Variants in NEGR1 observed in about 807,000 individuals in gnomAD.
The protein encoded by NEGR1 is neuronal growth regulator 1.
In NEGR1, 10 loss-of-function variants were observed where a neutral mutation model predicts 40.9. That is an observed-to-expected ratio of 0.24 (90% CI 0.15 to 0.42). NEGR1 has a LOEUF of 0.42. Among genes scored for constraint, NEGR1 ranks in the 10% least tolerant of loss-of-function variants. NEGR1 has a pLI of 1.00. For missense variants in NEGR1, 352 were observed against 438.9 expected (o/e 0.80, Z 1.77); for synonymous variants, 185 against 166.8 (o/e 1.11, Z -0.84).
intron 1 of NEGR1, among the ~76,000 whole-genome samples, chr1:71,954,152 C>T (rs986039660): frequency 3.3e-5 from 5 of 151,764 alleles, no homozygotes; most frequent in South Asian, 2.1e-4. Context: ...TAAGAGCTGT[C>T]GACATAACAG....
At chr1:71,997,687 T>A (rs1379461402) in intron 1 of NEGR1, among the ~76,000 whole-genome samples, 2 of 151,974 alleles carry the variant, frequency 1.3e-5, no homozygotes, top group Non-Finnish European at 2.9e-5. Flanking sequence ...TTGGATGTTT[T>A]CTTTCTGAAA....
At chr1:71,419,855 C>CA (rs1004122521) in intron 6 of NEGR1, among the ~76,000 whole-genome samples, 8 of 143,972 alleles carry the variant, frequency 5.6e-5, no homozygotes, top group South Asian at 2.2e-4. Flanking sequence ...GGGGCAGGCA[C>CA]AAAAAAATCA....
chr1:72,110,792 T>C (rs1194305646), intron 1 of NEGR1, among the ~76,000 whole-genome samples: 5 of 151,610 alleles, frequency 3.3e-5, no homozygotes, highest in Non-Finnish European at 5.9e-5. Flanking sequence ...TTTTCACTTT[T>C]TCTGGTCATT....
At chr1:71,633,094 G>A (rs1434687153) in intron 4 of NEGR1, among the ~76,000 whole-genome samples, 1 of 151,968 alleles carries the variant, frequency 6.6e-6, no homozygotes, top group Non-Finnish European at 1.5e-5. Context: ...ATTGAGTTCA[G>A]GCCAAATTAT....
At chr1:72,195,041 C>T (rs1356902897) in intron 1 of NEGR1, among the ~76,000 whole-genome samples, 1 of 151,972 alleles carries the variant, frequency 6.6e-6, no homozygotes, top group African/African-American at 2.4e-5. Context: ...ATCTTTCTGT[C>T]AATCTTACCA....
intron 6 of NEGR1, among the ~76,000 whole-genome samples, chr1:71,467,597 G>A (rs896391459): frequency 3.9e-5 from 6 of 151,958 alleles, no homozygotes; most frequent in African/African-American, 1.4e-4. Flanking sequence ...TTGATAATTA[G>A]AGGTTGTATG....
intron 1 of NEGR1, among the ~76,000 whole-genome samples, chr1:72,252,107 T>C (rs1030912251): frequency 2.1e-5 from 3 of 145,954 alleles, no homozygotes; most frequent in Middle Eastern, 3.4e-3. Context: ...GCAACCTAAC[T>C]TTTTTTTTCT....
At chr1:71,492,408 C>A (rs1461988321) in intron 6 of NEGR1, among the ~76,000 whole-genome samples, 1 of 152,002 alleles carries the variant, frequency 6.6e-6, no homozygotes, top group African/African-American at 2.4e-5. Context: ...AACATAAAGA[C>A]CTTTTCCCCA....
At chr1:71,654,390 G>A (rs1032202697) in intron 4 of NEGR1, among the ~76,000 whole-genome samples, 2 of 152,096 alleles carry the variant, frequency 1.3e-5, no homozygotes, top group African/African-American at 4.8e-5. Flanking sequence ...TATACTACAT[G>A]AAGACAAAAT....
rs540032738 is a variant in NEGR1 at position 71,868,129 on chromosome 1, C to A, written c.409+66950G>T. On this transcript the variant is annotated intron_variant, in intron 2 of 6. Transcript: ENST00000357731. ...ATAATCTTTGTCAATGTCAGTATAC[C>A]ATGTCTAATCAGCAAGAAATATAAA... 3.9e-5 allele frequency among the ~76,000 whole-genome samples: 6 copies of A among 152,186 alleles called. No individual in the cohort carries two copies. The South Asian group carries it at 8.3e-4, about 21-fold the overall frequency.
intron 1 of NEGR1, among the ~76,000 whole-genome samples, chr1:72,272,659 TTTAAG>T (rs1243537537): frequency 2.6e-5 from 4 of 151,958 alleles, no homozygotes; most frequent in South Asian, 4.1e-4. Context: ...TCCATGGCCC[TTTAAG>T]TTATCTAAAA....
At chr1:71,776,071 CA>C in intron 3 of NEGR1, 100 bp downstream of exon 3, 2 of 634,790 alleles carry the variant, frequency 3.2e-6, no homozygotes, top group Non-Finnish European at 4.8e-6. Flanking sequence ...GAATAAAATA[CA>C]AAAAATTAAG....
intron 2 of NEGR1, among the ~76,000 whole-genome samples, chr1:71,852,150 T>C (rs1182195290): frequency 1.3e-5 from 2 of 152,142 alleles, no homozygotes; most frequent in Non-Finnish European, 2.9e-5. Flanking sequence ...ATACTAGGTA[T>C]AGTCCCTTAA....
chr1:71,776,720 G>T (rs1451923009), intron 2 of NEGR1, among the ~76,000 whole-genome samples: 1 of 152,110 alleles, frequency 6.6e-6, no homozygotes, highest in Non-Finnish European at 1.5e-5. Flanking sequence ...CCTACATACT[G>T]ATTTAAAAGC....
intron 1 of NEGR1, among the ~76,000 whole-genome samples, chr1:72,236,807 T>A (rs1654563212): frequency 6.6e-6 from 1 of 152,016 alleles, no homozygotes; most frequent in Middle Eastern, 3.2e-3. Context: ...AAAATTTTAG[T>A]TTAGATATAT....
intron 1 of NEGR1, among the ~76,000 whole-genome samples, chr1:72,239,841 T>C (rs1292467680): frequency 4.0e-5 from 6 of 151,794 alleles, no homozygotes; most frequent in East Asian, 1.9e-4. Flanking sequence ...ATTAAAAGAA[T>C]TGAAATGAAA....
At chr1:71,507,109 C>T (rs564383765) in intron 6 of NEGR1, among the ~76,000 whole-genome samples, 2 of 152,300 alleles carry the variant, frequency 1.3e-5, no homozygotes, top group African/African-American at 4.8e-5. Context: ...CTCCTGCTTC[C>T]AGCAGAGGTA....
intron 4 of NEGR1, among the ~76,000 whole-genome samples, chr1:71,659,263 G>C (rs1410322187): frequency 6.6e-6 from 1 of 152,082 alleles, no homozygotes; most frequent in East Asian, 1.9e-4. Context: ...CCAAGAAAAA[G>C]AACAAACAGG....
intron 4 of NEGR1, among the ~76,000 whole-genome samples, chr1:71,653,249 C>T (rs138194532): frequency 2.6e-5 from 4 of 152,274 alleles, no homozygotes; most frequent in Admixed American, 6.5e-5. Context: ...AATCTACAGT[C>T]TTTAATTTAA....
Sources: gnomAD v4.1 joint callset for allele counts (sites outside exome capture counted in the v4.1 genomes callset) on GRCh38, gnomAD v4.1.1 for gene constraint, MANE v1.5 for transcripts, NCBI Gene and HGNC (gene_info 2026-07-23, HGNC 2026-07-21) for gene names.